VPS13C: variants seen among roughly 807,000 people sequenced by gnomAD.
VPS13C encodes the protein vacuolar protein sorting 13 homolog C.
VPS13C carries 358 observed loss-of-function variants against 456.8 expected under a neutral mutation model. The observed-to-expected ratio is 0.78, with a 90% CI of 0.72 to 0.86. The LOEUF is 0.86. VPS13C is among the 40% of genes least tolerant of loss of function. The pLI, the probability that VPS13C is intolerant of heterozygous loss-of-function variation, is 0.00. For synonymous variants in VPS13C, 1,578 were observed against 1,486.7 expected (o/e 1.06, Z -1.41); for missense variants, 4,818 against 4,385.4 (o/e 1.10, Z -2.79).
At chr15:61,950,476 A>G in intron 40 of VPS13C, 59 bp from the exon 41 acceptor site, 1 of 1,257,516 alleles carries the variant, frequency 8.0e-7, no homozygotes, top group East Asian at 2.3e-5. Flanking sequence ...CATACACTGA[A>G]AATATACATA....
Position 61,966,069 on chromosome 15 carries a change from A to G in VPS13C, c.3051+14T>C. ...TTTTCAAACAGGATAAATTCCTTTA[A>G]CAGAATTTCTTACCTTAACTGTTTG... On this transcript the variant is annotated intron_variant, in intron 30 of 84. Coordinates refer to ENST00000644861, the MANE Select transcript of VPS13C (RefSeq NM_020821.3). 6.3e-7 allele frequency: 1 copy of G among 1,595,366 alleles called. No homozygotes were observed.
chr15:61,894,238 G>A (rs1389201744), intron 66 of VPS13C, among the ~76,000 whole-genome samples: 1 of 151,952 alleles, frequency 6.6e-6, no homozygotes, highest in South Asian at 2.1e-4. Context: ...AACCAAGGAG[G>A]TGGAGGTTGC....
At position 61,945,720 on chromosome 15, in the gene VPS13C, G is replaced by A; in HGVS notation, c.5143C>T (p.Leu1715Phe). The A allele has an allele frequency of 6.3e-7, 1 of 1,580,370 alleles. No individual in the cohort carries two copies. The highest frequency in any genetic ancestry group is 8.6e-7 in the Non-Finnish European group (1 of 1,169,386). The part of the protein sequence containing the change: ...IVYVHKFFMS[L>F]LNFLNNFQTA... ...ATATATTTTTAAAAACTTACCAAAA[G>A]AGACATGAAGAATTTATGAACATAA... is the stretch of plus-strand genomic sequence containing the variant. Residue 1715 changes from leucine to phenylalanine, a missense_variant, in exon 45 of 85, where the codon CTT becomes TTT. Leu to Phe is a conservative substitution (Grantham distance 22). Transcript: ENST00000644861.
At chr15:62,010,659 A>G in intron 12 of VPS13C, 60 bp from the exon 13 acceptor site, 1 of 1,447,684 alleles carries the variant, frequency 6.9e-7, no homozygotes, top group Non-Finnish European at 9.2e-7. Context: ...AAACAAGTGT[A>G]AATAATTATG....
chr15:62,011,634 T>G (rs2047040244), intron 12 of VPS13C, among the ~76,000 whole-genome samples: 1 of 151,874 alleles, frequency 6.6e-6, no homozygotes, highest in African/African-American at 2.4e-5. Context: ...ACAGGAAGCT[T>G]TGTTAGAGAT....
intron 18 of VPS13C, among the ~76,000 whole-genome samples, chr15:61,989,993 TTCA>T (rs1226772016): frequency 1.3e-5 from 2 of 152,246 alleles, no homozygotes; most frequent in East Asian, 3.9e-4. Context: ...AACCCAAATG[TTCA>T]TCAACAACAG....
intron 47 of VPS13C, among the ~76,000 whole-genome samples, chr15:61,939,885 T>C (rs1276835072): frequency 6.6e-6 from 1 of 151,490 alleles, no homozygotes; most frequent in Non-Finnish European, 1.5e-5. Flanking sequence ...TCACTGCTAC[T>C]CAGGAGGCTG....
intron 62 of VPS13C, among the ~76,000 whole-genome samples, chr15:61,912,485 C>G (rs2043330135): frequency 6.6e-6 from 1 of 152,028 alleles, no homozygotes; most frequent in African/African-American, 2.4e-5. Flanking sequence ...GAATATTTAC[C>G]AAGTTGCTCA....
At chr15:62,009,311 T>C (rs80157702) in intron 13 of VPS13C, among the ~76,000 whole-genome samples, 204 of 93,470 alleles carry the variant, frequency 2.2e-3, no homozygotes, top group Non-Finnish European at 3.5e-3. Flanking sequence ...GACAAAACAG[T>C]TCAAATGGAG....
intron 13 of VPS13C, among the ~76,000 whole-genome samples, chr15:62,009,915 C>T (rs943710435): frequency 2.0e-5 from 3 of 152,076 alleles, no homozygotes; most frequent in African/African-American, 7.2e-5. Context: ...AGGCCAGGCG[C>T]GGTAGCTCAC....
chr15:61,933,020 G>C (rs146110498), intron 49 of VPS13C, among the ~76,000 whole-genome samples: 1 of 152,120 alleles, frequency 6.6e-6, no homozygotes, highest in East Asian at 1.9e-4. Context: ...TAGGATGGAT[G>C]AAAGGTAAAA....
Position 61,966,106 on chromosome 15 carries a change from C to T in VPS13C, c.3028G>A (p.Gly1010Arg). The change falls in exon 30 of 85, where the codon GGA (glycine) becomes AGA (arginine). Residue 1010 changes from glycine (G) to arginine (R), a missense_variant. By Grantham distance (125) the Gly-to-Arg change is moderately radical (BLOSUM62 -2). Transcript: ENST00000644861. ...ACCTTAACTGTTTGTTCAGTTTTTC[C>T]AAAAGCAGTTTGAAAACTAGGTCCA... ...KNGPSFQTAFGKTEQTVKVAF... is the reference protein window; with the variant it reads ...KNGPSFQTAFRKTEQTVKVAF... 1 of 1,602,128 alleles carries T rather than the reference C, an allele frequency of 6.2e-7. No individual in the cohort carries two copies. The highest frequency in any genetic ancestry group is 8.5e-7 in the Non-Finnish European group (1 of 1,173,470).
Position 61,867,669 on chromosome 15 carries a change from T to C in VPS13C, c.10863+990A>G. On this transcript the variant is annotated intron_variant, in intron 81 of 84. Transcript: ENST00000644861. The surrounding 1 kb of genome is among the most constrained non-coding windows in gnomAD (Gnocchi z 5.0). ...TCTGAGCTCAATAAAGGCTTTCATC[T>C]ATTAAACGCAGAAGAGAGCTGATTC... 1.6e-6 allele frequency: 2 copies of C among 1,259,660 alleles called. No individual in the cohort carries two copies. Among genetic ancestry groups the C allele is most frequent in the Non-Finnish European group, 2.0e-6 (2 of 1,000,112 alleles). The allele number at this position is 1,259,660 out of a possible 1,614,324, so 78.0% of individuals were successfully genotyped here.
In VPS13C at chr15:62,060,348, G is replaced by A; in HGVS notation, c.27C>T (p.Asp9=). ...AGTCCCCCAGGAAGCGGTTCAGCAA[G>A]TCCGCGACCACCGACTCCAGCACCA... MVLESVVA[D]LLNRFLGDYV... is the part of the protein sequence containing the mutation. Residue 9 remains aspartate, a synonymous_variant, in exon 1 of 85, where the codon GAC becomes GAT. Coordinates refer to ENST00000644861, the MANE Select transcript of VPS13C (RefSeq NM_020821.3). The A allele has an allele frequency of 6.2e-7, 1 of 1,602,462 alleles. No homozygotes were observed. Among genetic ancestry groups the A allele is most frequent in the Non-Finnish European group, 8.5e-7 (1 of 1,175,072 alleles).
At position 61,958,674 on chromosome 15, in the gene VPS13C, G is replaced by A. The variant is rs747278611; in HGVS notation, c.4099C>T (p.Leu1367=). 4.5e-6 allele frequency: 7 copies of A among 1,568,828 alleles called. No individual in the cohort carries two copies. Among genetic ancestry groups the A allele is most frequent in the Non-Finnish European group, 5.2e-6 (6 of 1,162,926 alleles). Residue 1367 remains leucine, a synonymous_variant, in exon 37 of 85, where the codon CTA becomes TTA. Coordinates refer to ENST00000644861, the MANE Select transcript of VPS13C (RefSeq NM_020821.3). ...GTACCCTCACAGAGATTTTCTGTTA[G>A]TATCCTAAATAAAAGATTAAGATCT... ...QEDLNLLFRI[L]TENLCEGTED...
chr15:61,997,687 T>C (rs1283574330), intron 16 of VPS13C, among the ~76,000 whole-genome samples: 2 of 152,154 alleles, frequency 1.3e-5, no homozygotes, highest in Non-Finnish European at 2.9e-5. Flanking sequence ...AACTCACATC[T>C]AGTCAGTCAG....
intron 67 of VPS13C, among the ~76,000 whole-genome samples, chr15:61,888,000 C>A (rs1596294237): frequency 6.6e-6 from 1 of 152,056 alleles, no homozygotes; most frequent in African/African-American, 2.4e-5. Context: ...TAAAACTCAA[C>A]GTTAAGAAAA....
Position 61,874,887 on chromosome 15 carries a change from C to T in VPS13C, c.10403G>A (p.Gly3468Glu). Reference protein sequence around the residue: ...GLVIGVRSLFGHTVGGAAGVV... With the variant: ...GLVIGVRSLFEHTVGGAAGVV... ...TATGTGATACATACCTACTGTGTGTCCAAAGAGGCTTCTCACTCCAATCAC... is the reference window on the plus strand; with the variant it reads ...TATGTGATACATACCTACTGTGTGTTCAAAGAGGCTTCTCACTCCAATCAC... The change falls in exon 77 of 85, where the codon GGA becomes GAA. Residue 3468 changes from glycine to glutamate, a missense_variant. Physicochemically the swap from Gly to Glu is moderately conservative, Grantham distance 98. This residue lies in a region of VPS13C where 4,552 missense variants were observed against 4,130.6 expected (regional missense o/e 1.10). Transcript: ENST00000644861. The T allele has an allele frequency of 1.3e-6, 2 of 1,594,000 alleles. No individual in the cohort carries two copies. The highest frequency in any genetic ancestry group is 2.3e-5 in the East Asian group (1 of 44,044).
intron 66 of VPS13C, among the ~76,000 whole-genome samples, chr15:61,898,177 G>C (rs1450849149): frequency 6.6e-6 from 1 of 151,696 alleles, no homozygotes; most frequent in African/African-American, 2.4e-5. Context: ...ATCGAGACTA[G>C]GAAGAAACTG....
Sources: allele counts gnomAD v4.1 joint callset (sites outside exome capture counted in the v4.1 genomes callset), GRCh38; gene constraint gnomAD v4.1.1; regional missense constraint gnomAD v4.1.1; non-coding constraint Gnocchi (gnomAD v3.1); transcripts MANE v1.5; gene names NCBI Gene and HGNC (gene_info 2026-07-23, HGNC 2026-07-21).